Variants in CNTNAP5 observed in about 807,000 individuals in gnomAD.
CNTNAP5 encodes contactin associated protein family member 5.
A neutral mutation model predicts 150.2 loss-of-function variants in CNTNAP5; 72 were observed. The observed-to-expected ratio is 0.48, with a 90% confidence interval of 0.40 to 0.58. The LOEUF (loss-of-function observed/expected upper bound fraction) is 0.58, where lower values mean the gene tolerates loss of function less well. Ranked by LOEUF, CNTNAP5 falls within the 20% of genes least tolerant of loss-of-function variation. The pLI, the probability that CNTNAP5 is intolerant of heterozygous loss-of-function variation, is 0.00. For synonymous variants in CNTNAP5, 672 were observed against 619.8 expected, an observed-to-expected ratio of 1.08 and a Z score of -1.25; for missense variants, 1,636 against 1,626.2, an observed-to-expected ratio of 1.01 and a Z score of -0.10.
At chr2:124,396,938 C>A (rs1337412550) in intron 3 of CNTNAP5, among the ~76,000 whole-genome samples, 1 of 152,148 alleles carries the variant, frequency 6.6e-6, no homozygotes, top group Non-Finnish European at 1.5e-5. Flanking sequence ...CAGAAAAAGG[C>A]CAGTCTTAGA....
intron 19 of CNTNAP5, among the ~76,000 whole-genome samples, chr2:124,822,041 G>T (rs1241109981): frequency 2.6e-5 from 4 of 152,110 alleles, no homozygotes; most frequent in African/African-American, 9.7e-5. Flanking sequence ...GTTTCTTCTT[G>T]CAGAGCCCCT....
chr2:124,115,408 T>C (rs1683401710), intron 1 of CNTNAP5, among the ~76,000 whole-genome samples: 1 of 152,158 alleles, frequency 6.6e-6, no homozygotes, highest in Non-Finnish European at 1.5e-5. Flanking sequence ...ATAAAGATTA[T>C]TGACATTCTA....
intron 3 of CNTNAP5, among the ~76,000 whole-genome samples, chr2:124,361,978 C>A (rs1361889532): frequency 6.6e-6 from 1 of 152,188 alleles, no homozygotes; most frequent in Non-Finnish European, 1.5e-5. Context: ...GGGCGTAGGA[C>A]CCTCTGAGCC....
chr2:124,736,062 C>T (rs539621341), intron 13 of CNTNAP5, among the ~76,000 whole-genome samples: 4 of 152,192 alleles, frequency 2.6e-5, no homozygotes, highest in African/African-American at 9.6e-5. Context: ...GAAACTCTGT[C>T]TCTACAAAAA....
At chr2:124,776,294 T>C (rs1681322594) in intron 17 of CNTNAP5, among the ~76,000 whole-genome samples, 1 of 152,078 alleles carries the variant, frequency 6.6e-6, no homozygotes, top group Non-Finnish European at 1.5e-5. Flanking sequence ...ATTTTTTTTT[T>C]CTTGGCCCAA....
At chr2:124,697,703 C>T (rs192796415) in intron 13 of CNTNAP5, among the ~76,000 whole-genome samples, 1 of 152,056 alleles carries the variant, frequency 6.6e-6, no homozygotes, top group Non-Finnish European at 1.5e-5. Context: ...GGAGTGCCCT[C>T]CGGAGTGCAG....
chr2:124,398,427 A>C (rs1691314850), intron 3 of CNTNAP5, among the ~76,000 whole-genome samples: 1 of 152,226 alleles, frequency 6.6e-6, no homozygotes, highest in Non-Finnish European at 1.5e-5. Flanking sequence ...GAGAAAAAGC[A>C]GGAGATAATT....
At chr2:124,911,792 G>A (rs989620062) in intron 23 of CNTNAP5, among the ~76,000 whole-genome samples, 3 of 152,094 alleles carry the variant, frequency 2.0e-5, no homozygotes, top group African/African-American at 7.2e-5. Flanking sequence ...AACAGCTGGA[G>A]CATTTACTTA....
At chr2:124,164,707 C>T (rs1278267472) in intron 1 of CNTNAP5, among the ~76,000 whole-genome samples, 1 of 152,116 alleles carries the variant, frequency 6.6e-6, no homozygotes, top group Non-Finnish European at 1.5e-5. Flanking sequence ...GGACAGATTA[C>T]ACAGGGCCAC....
At chr2:124,643,084 C>T (rs1367158278) in intron 12 of CNTNAP5, among the ~76,000 whole-genome samples, 1 of 152,128 alleles carries the variant, frequency 6.6e-6, no homozygotes, top group Admixed American at 6.6e-5. Flanking sequence ...TTTAAAAAAG[C>T]CAATATTTCA....
chr2:124,302,645 C>T (rs1688593896), intron 3 of CNTNAP5, among the ~76,000 whole-genome samples: 1 of 152,166 alleles, frequency 6.6e-6, no homozygotes, highest in Non-Finnish European at 1.5e-5. Context: ...TGACCTTAAT[C>T]ACCTCTTATC....
chr2:124,588,587 G>GTAA (rs1371871246), intron 11 of CNTNAP5, among the ~76,000 whole-genome samples: 2 of 152,008 alleles, frequency 1.3e-5, no homozygotes, highest in Non-Finnish European at 2.9e-5. Context: ...TACTGGGACA[G>GTAA]TTTATATTGA....
intron 3 of CNTNAP5, among the ~76,000 whole-genome samples, chr2:124,299,647 A>C (rs533241296): frequency 1.3e-5 from 2 of 152,294 alleles, no homozygotes; most frequent in East Asian, 1.9e-4. Flanking sequence ...TGCAATGAAC[A>C]TGTGCGTGCG....
intron 13 of CNTNAP5, among the ~76,000 whole-genome samples, chr2:124,656,794 C>A (rs1397110163): frequency 1.3e-5 from 2 of 152,128 alleles, no homozygotes; most frequent in African/African-American, 2.4e-5. Context: ...ATGTCCACTT[C>A]CTTTATCTCA....
At chr2:124,792,281 C>G (rs1279614022) in intron 18 of CNTNAP5, among the ~76,000 whole-genome samples, 9 of 152,058 alleles carry the variant, frequency 5.9e-5, no homozygotes, top group Admixed American at 5.2e-4. Flanking sequence ...TAGTAATTAA[C>G]TGCAACATAT....
At chr2:124,665,979 G>A (rs1381402777) in intron 13 of CNTNAP5, among the ~76,000 whole-genome samples, 1 of 151,986 alleles carries the variant, frequency 6.6e-6, no homozygotes, top group East Asian at 1.9e-4. Context: ...GTTCATACAT[G>A]TGTTTTTGTG....
intron 1 of CNTNAP5, among the ~76,000 whole-genome samples, chr2:124,101,722 A>G (rs1411241290): frequency 6.6e-6 from 1 of 152,224 alleles, no homozygotes; most frequent in Admixed American, 6.5e-5. Context: ...CAATCAGCAC[A>G]TGCCTCAGAA....
intron 3 of CNTNAP5, among the ~76,000 whole-genome samples, chr2:124,399,745 A>G (rs1009114301): frequency 1.3e-5 from 2 of 152,172 alleles, no homozygotes; most frequent in African/African-American, 2.4e-5. Context: ...GATGAAACAC[A>G]GACTTCATAT....
chr2:124,536,886 A>G (rs951282280), intron 10 of CNTNAP5, among the ~76,000 whole-genome samples: 1 of 152,128 alleles, frequency 6.6e-6, no homozygotes, highest in Non-Finnish European at 1.5e-5. Flanking sequence ...GCAGCAGTGG[A>G]TGCAAGAGAA....
Sources: gnomAD v4.1 joint callset for allele counts (sites outside exome capture counted in the v4.1 genomes callset) on GRCh38, gnomAD v4.1.1 for gene constraint, MANE v1.5 for transcripts, NCBI Gene and HGNC (gene_info 2026-07-23, HGNC 2026-07-21) for gene names.